Variants in PCDHGB1 observed in about 807,000 individuals in gnomAD.
PCDHGB1 encodes the protein protocadherin gamma subfamily B, 1.
PCDHGB1 carries 34 observed loss-of-function variants against 56.6 expected under a neutral mutation model. The observed-to-expected ratio is 0.60, with a 90% CI of 0.46 to 0.80. The LOEUF (loss-of-function observed/expected upper bound fraction) is 0.80, where lower values mean the gene tolerates loss of function less well. Among genes scored for constraint, PCDHGB1 ranks in the 30% least tolerant of loss-of-function variants. PCDHGB1 has a pLI of 0.00. For synonymous variants in PCDHGB1, 561 were observed against 505.9 expected (o/e 1.11, Z -1.46); for missense variants, 1,278 against 1,204.6 (o/e 1.06, Z -0.90).
rs775654786 is a variant in PCDHGB1 at position 141,491,718 on chromosome 5, G to A, written c.2410-3089G>A. Reference sequence around the variant, plus strand: ...GGAGCCAGGTGAGGGGCTCGGCGCCGCCCCGGGCGACCCCTGGGGGCGGCA... The same window carrying A: ...GGAGCCAGGTGAGGGGCTCGGCGCCACCCCGGGCGACCCCTGGGGGCGGCA... On this transcript the variant is annotated intron_variant, in intron 1 of 3. Coordinates refer to ENST00000523390, the MANE Select transcript of PCDHGB1 (RefSeq NM_018922.3). This position sits in a 1 kb window ranked among gnomAD's most constrained non-coding sequence, Gnocchi z 6.9. 1 of 1,607,600 alleles carries A rather than the reference G, an allele frequency of 6.2e-7. No homozygotes were observed. The highest frequency in any genetic ancestry group is 2.2e-5 in the East Asian group (1 of 44,690).
chr5:141,399,026 A>C (rs1448827116), intron 1 of PCDHGB1: 1 of 1,613,886 alleles, frequency 6.2e-7, no homozygotes, highest in East Asian at 2.2e-5. Flanking sequence ...ATTACCACTC[A>C]AAAGAAACTG....
At chr5:141,494,069 C>T (rs1249076667) in intron 1 of PCDHGB1, among the ~76,000 whole-genome samples, 1 of 152,146 alleles carries the variant, frequency 6.6e-6, no homozygotes, top group Non-Finnish European at 1.5e-5. Context: ...GAGCTGGATC[C>T]CTCCCCGCTG....
At position 141,490,788 on chromosome 5, in the gene PCDHGB1, C is replaced by G. The variant is rs2099704332; in HGVS notation, c.2410-4019C>G. ...ATGTCAACCCAGAGGATGGACGGAT[C>G]TTTGCCCAGCGTACCTTTGACTATG... On this transcript the variant is annotated intron_variant, in intron 1 of 3. Coordinates refer to ENST00000523390, the MANE Select transcript of PCDHGB1 (RefSeq NM_018922.3). The surrounding 1 kb of genome is among the most constrained non-coding windows in gnomAD (Gnocchi z 5.4). 6.2e-7 allele frequency: 1 copy of G among 1,613,918 alleles called. No homozygotes were observed. The highest frequency in any genetic ancestry group is 1.1e-5 in the South Asian group (1 of 91,084).
intron 1 of PCDHGB1, chr5:141,389,294 A>T (rs776760884): frequency 1.2e-6 from 2 of 1,613,964 alleles, no homozygotes; most frequent in Non-Finnish European, 1.7e-6. Flanking sequence ...CCTCTATTTC[A>T]CAAGTCAGGG....
rs371995922 is a variant in PCDHGB1 at position 141,395,132 on chromosome 5, C to T, written c.2409+42463C>T. ...AGAGTCACCTGATCTTTCCCCAGCC[C>T]AACTACGCAGACATGCTCATCAGTC... On this transcript the variant is annotated intron_variant, in intron 1 of 3. Transcript: ENST00000523390. 8.7e-6 allele frequency: 14 copies of T among 1,614,068 alleles called. No homozygotes were observed. The African/African-American group carries it at 1.6e-4, about 18-fold the overall frequency.
intron 1 of PCDHGB1, chr5:141,393,374 T>G (rs11575958): frequency 0.026 from 42,476 of 1,613,728 alleles, 744 homozygotes; most frequent in East Asian, 0.04. Flanking sequence ...CTGGAGACAA[T>G]GGAGCCATAA....
chr5:141,458,421 G>T (rs1294502132), intron 1 of PCDHGB1, among the ~76,000 whole-genome samples: 1 of 152,114 alleles, frequency 6.6e-6, no homozygotes, highest in African/African-American at 2.4e-5. Context: ...GGGTTCCAAA[G>T]CTGAAAGAGG....
Position 141,462,070 on chromosome 5 carries a change from G to A in PCDHGB1, c.2410-32737G>A, listed in dbSNP as rs572217894. Among the ~76,000 whole-genome samples the A allele has an allele frequency of 2.6e-5, 4 of 152,196 alleles. No homozygotes were observed. In the East Asian group the frequency reaches 7.7e-4, roughly 29 times the overall value. Reference sequence around the variant, plus strand: ...ACTCCCGACCTCAGGTGATCTGCCCGCCTTGGCCTCCCAAAATGCTGGGAT... The same window carrying A: ...ACTCCCGACCTCAGGTGATCTGCCCACCTTGGCCTCCCAAAATGCTGGGAT... On this transcript the variant is annotated intron_variant, in intron 1 of 3. Transcript: ENST00000523390.
At chr5:141,422,301 G>A (rs777697738) in intron 1 of PCDHGB1, 36 of 1,549,184 alleles carry the variant, frequency 2.3e-5, no homozygotes, top group Non-Finnish European at 3.1e-5. Flanking sequence ...ATTCAATTCT[G>A]GAAAACTCTC....
intron 1 of PCDHGB1, among the ~76,000 whole-genome samples, chr5:141,362,788 C>T (rs1395369967): frequency 6.6e-6 from 1 of 152,198 alleles, no homozygotes; most frequent in East Asian, 1.9e-4. Flanking sequence ...ATTTCTTTTT[C>T]TTCCTCATCT....
At position 141,431,684 on chromosome 5, in the gene PCDHGB1, C is replaced by A. The variant is rs1017231854; in HGVS notation, c.2410-63123C>A. On this transcript the variant is annotated intron_variant, in intron 1 of 3. Transcript: ENST00000523390. This position sits in a 1 kb window ranked among gnomAD's most constrained non-coding sequence, Gnocchi z 4.8. Reference sequence around the variant, plus strand: ...AATATCAACAATAGGGGAGTTGGACCACGAGGAGTCAGGATTCTACCAGAT... The same window carrying A: ...AATATCAACAATAGGGGAGTTGGACAACGAGGAGTCAGGATTCTACCAGAT... The A allele has an allele frequency of 1.9e-6, 3 of 1,614,186 alleles. No homozygotes were observed. Among genetic ancestry groups the A allele is most frequent in the Admixed American group, 1.7e-5 (1 of 60,032 alleles).
chr5:141,364,590 C>G lies in PCDHGB1; in HGVS notation c.2409+11921C>G, dbSNP rs751302023. On this transcript the variant is annotated intron_variant, in intron 1 of 3. Transcript: ENST00000523390. ...CCGCGAAGCGGCAGCTTGGTCACCG[C>G]GGGCAGGATAGACCGGGAGGAGCTC... 2.7e-5 allele frequency: 44 copies of G among 1,614,196 alleles called. 1 individual carries two copies. In the South Asian group the frequency reaches 3.6e-4, roughly 13 times the overall value.
At chr5:141,358,810 C>T (rs1265503532) in intron 1 of PCDHGB1, among the ~76,000 whole-genome samples, 3 of 152,162 alleles carry the variant, frequency 2.0e-5, no homozygotes, top group African/African-American at 2.4e-5. Flanking sequence ...ATATGATTTA[C>T]GCTGCTTAGT....
chr5:141,356,294 T>C (rs1309324816), intron 1 of PCDHGB1: 1 of 1,554,208 alleles, frequency 6.4e-7, no homozygotes, highest in Non-Finnish European at 8.7e-7. Flanking sequence ...CCGGGTACAG[T>C]AATTGCACTT....
At chr5:141,422,090 AGGCTTCTGAAATATTCCAATT>A (rs1561798894) in intron 1 of PCDHGB1, 11 of 1,611,852 alleles carry the variant, frequency 6.8e-6, no homozygotes, top group Non-Finnish European at 9.3e-6. Flanking sequence ...ATGGAAAGCA[AGGCTTCTGAAATATTCCAATT>A]GGATTCACAA....
chr5:141,366,258 TG>T (rs758170088), intron 1 of PCDHGB1: 16 of 1,613,596 alleles, frequency 9.9e-6, no homozygotes, highest in Non-Finnish European at 1.4e-5. Flanking sequence ...CAGAGCCTCG[TG>T]GTGGCCGTCG....
At chr5:141,395,542 T>TTGTG (rs55729045) in intron 1 of PCDHGB1, 55 of 172,626 alleles carry the variant, frequency 3.2e-4, no homozygotes, top group East Asian at 1.2e-3. Context: ...TTGCTATTGT[T>TTGTG]TGTGTGTGTG....
intron 1 of PCDHGB1, chr5:141,478,198 A>G (rs1393603398): frequency 6.2e-7 from 1 of 1,613,864 alleles, no homozygotes; most frequent in East Asian, 2.2e-5. Flanking sequence ...CCTTTTATCT[A>G]CTTCTTTCTC....
chr5:141,409,849 C>A (rs772503820), intron 1 of PCDHGB1: 1 of 1,612,106 alleles, frequency 6.2e-7, no homozygotes, highest in South Asian at 1.1e-5. Context: ...TGAGCCTGCG[C>A]GTGTTGGTGG....
Sources: allele counts gnomAD v4.1 joint callset (sites outside exome capture counted in the v4.1 genomes callset), GRCh38; gene constraint gnomAD v4.1.1; non-coding constraint Gnocchi (gnomAD v3.1); transcripts MANE v1.5; gene names NCBI Gene and HGNC (gene_info 2026-07-23, HGNC 2026-07-21).